The following SH3BP1 variants were observed in gnomAD, a reference collection of about 807,000 sequenced individuals.
The protein encoded by SH3BP1 is SH3 domain binding protein 1, also known as SH3 domain-binding protein 1.
Under a neutral mutation model 69.8 loss-of-function variants are expected in SH3BP1, and 46 were observed. The ratio of observed to expected loss-of-function variants is 0.66; its 90% CI spans 0.52 to 0.84. The LOEUF (loss-of-function observed/expected upper bound fraction) is 0.84. Among genes scored for constraint, SH3BP1 ranks in the 40% least tolerant of loss-of-function variants. SH3BP1 has a pLI of 0.00. For missense variants in SH3BP1, 868 were observed against 930.9 expected, an observed-to-expected ratio of 0.93 and a Z score of 0.88; for synonymous variants, 403 against 378.0, an observed-to-expected ratio of 1.07 and a Z score of -0.77.
chr22:37,642,170 C>T, intron 3 of SH3BP1: 1 of 259,368 alleles, frequency 3.9e-6, no homozygotes, highest in Non-Finnish European at 7.7e-6. Context: ...GTGGCTAGGT[C>T]AGCCATATAT....
rs1268913776 is a variant in SH3BP1 at position 37,655,663 on chromosome 22, C to T, written c.2085C>T (p.Ser695=). The change falls in exon 18 of 18, where the codon AGC becomes AGT. Residue 695 remains serine (S), a synonymous_variant. Transcript: ENST00000649765. ...PAIPPQPRPR[S]LASETN is the part of the protein sequence containing the mutation. The stretch of plus-strand genomic sequence containing the variant: ...TCCCCCCTCAGCCCCGCCCCAGGAG[C>T]CTTGCCTCAGAGACCAACTGAGTGG... 6.7e-7 allele frequency: 1 copy of T among 1,502,400 alleles called. No homozygotes were observed. The highest frequency in any genetic ancestry group is 8.9e-7 in the Non-Finnish European group (1 of 1,126,548). The allele number at this position is 1,502,400 out of a possible 1,614,324, so 93.1% of individuals were successfully genotyped here.
At chr22:37,644,406 C>T (rs1932737825) in intron 7 of SH3BP1, among the ~76,000 whole-genome samples, 1 of 152,184 alleles carries the variant, frequency 6.6e-6, no homozygotes, top group African/African-American at 2.4e-5. Flanking sequence ...AAACAAGGCA[C>T]TGTGCTAAGT....
intron 17 of SH3BP1, 122 bp downstream of exon 17, chr22:37,653,995 G>T: frequency 1.4e-6 from 1 of 719,506 alleles, no homozygotes; most frequent in South Asian, 1.8e-5. Context: ...GTGATAAAGA[G>T]CCCAGGTCTT....
In SH3BP1 at chr22:37,644,720, G is replaced by C. The variant is rs537347995; in HGVS notation, c.687+15G>C. 1 of 1,614,114 alleles carries C rather than the reference G, an allele frequency of 6.2e-7. No homozygotes were observed. Among genetic ancestry groups the C allele is most frequent in the South Asian group, 1.1e-5 (1 of 91,084 alleles). ...ACTTCATTCGTGTGAGTCCAAGACC[G>C]GGCCCCAGCCATCCAGAGTTCAGGG... is the stretch of plus-strand genomic sequence containing the variant. On this transcript the variant is annotated intron_variant, in intron 8 of 17. Transcript: ENST00000649765.
At chr22:37,643,232 T>C in intron 6 of SH3BP1, 58 bp downstream of exon 6, 2 of 1,475,602 alleles carry the variant, frequency 1.4e-6, no homozygotes, top group Non-Finnish European at 1.9e-6. Context: ...GAGATGGTCA[T>C]AGAGCTTTGA....
intron 17 of SH3BP1, 76 bp from the exon 18 acceptor site, chr22:37,655,196 G>C (rs1932984544): frequency 4.7e-6 from 5 of 1,072,116 alleles, no homozygotes; most frequent in Non-Finnish European, 6.6e-6. Flanking sequence ...AAGGTTGTGA[G>C]GGGGCACGGA....
chr22:37,642,728 C>G (rs1179536238), intron 4 of SH3BP1, 113 bp downstream of exon 4: 1 of 1,605,272 alleles, frequency 6.2e-7, no homozygotes, highest in Non-Finnish European at 8.5e-7. Context: ...AGGCTGGGGA[C>G]AGTTCCCAGG....
At chr22:37,647,952 A>G (rs944250181) in intron 13 of SH3BP1, among the ~76,000 whole-genome samples, 2 of 152,384 alleles carry the variant, frequency 1.3e-5, no homozygotes, top group Non-Finnish European at 2.9e-5. Flanking sequence ...CTGGGATTAC[A>G]GGCGTGAGGC....
chr22:37,656,117 A>G lies in SH3BP1; in HGVS notation c.*433A>G. 8.8e-7 allele frequency: 1 copy of G among 1,138,788 alleles called. No individual in the cohort carries two copies. Among genetic ancestry groups the G allele is most frequent in the South Asian group, 1.3e-5 (1 of 75,870 alleles). The allele number at this position is 1,138,788 out of a possible 1,614,324, so 70.5% of individuals were successfully genotyped here. On this transcript the variant is annotated 3_prime_UTR_variant, in exon 18 of 18. Transcript: ENST00000649765. ...CCAATTTTATAAAGGGGAAAACAAT[A>G]CATATTCTTTGCCTCCTTTCTTCCT...
intron 14 of SH3BP1, 40 bp from the exon 15 acceptor site, chr22:37,650,112 C>G: frequency 1.2e-6 from 2 of 1,610,312 alleles, no homozygotes; most frequent in Non-Finnish European, 8.5e-7. Context: ...GAGTTGGGGT[C>G]ACAAACCCTT....
Position 37,655,756 on chromosome 22 carries a change from G to GC in SH3BP1, c.*78dup, listed in dbSNP as rs954997345. 609 of 1,443,028 alleles carry GC rather than the reference G, an allele frequency of 4.2e-4. 2 individuals carry two copies. The highest frequency in any genetic ancestry group is 3.6e-3 in the Middle Eastern group (15 of 4,174). 89.4% of individuals were successfully genotyped at this position (1,443,028 alleles called of 1,614,324 possible). On this transcript the variant is annotated 3_prime_UTR_variant, in exon 18 of 18. Transcript: ENST00000649765. ...ACCTGGCCCTCCCAGGACAGCTCTC[G>GC]CCCCCCACAAAGGGGCATGGGCCTC...
At chr22:37,647,030 T>C in intron 11 of SH3BP1, 101 bp downstream of exon 11, 1 of 835,798 alleles carries the variant, frequency 1.2e-6, no homozygotes, top group African/African-American at 1.7e-5. Flanking sequence ...TGATATTCTG[T>C]TGAGACTGAG....
Position 37,655,443 on chromosome 22 carries a change from C to CGG in SH3BP1, c.1866_1867insGG (p.Leu623GlyfsTer36). On this transcript the variant is annotated frameshift_variant, in exon 18 of 18. Transcript: ENST00000649765. LOFTEE classifies it low-confidence loss of function (END_TRUNC). Reference sequence around the variant, plus strand: ...CTCCGAGCCCCCACAGTGCCACCCCCGTTACCCCCCACACCCCCTCAGCCT... The same window carrying CGG: ...CTCCGAGCCCCCACAGTGCCACCCCCGGGTTACCCCCCACACCCCCTCAGCCT... 1 of 1,312,330 alleles carries CGG rather than the reference C, an allele frequency of 7.6e-7. No homozygotes were observed. Among genetic ancestry groups the CGG allele is most frequent in the Non-Finnish European group, 1.0e-6 (1 of 961,976 alleles). The allele number at this position is 1,312,330 out of a possible 1,614,324, so 81.3% of individuals were successfully genotyped here.
Position 37,643,114 on chromosome 22 carries a change from T to C in SH3BP1, c.413T>C (p.Ile138Thr). 6.2e-7 allele frequency: 1 copy of C among 1,610,602 alleles called. No homozygotes were observed. Among genetic ancestry groups the C allele is most frequent in the Non-Finnish European group, 8.5e-7 (1 of 1,178,814 alleles). Residue 138 changes from isoleucine (I) to threonine (T), a missense_variant, in exon 6 of 18, where the codon ATC (isoleucine) becomes ACC (threonine). Physicochemically the swap from Ile to Thr is moderately conservative, Grantham distance 89 (BLOSUM62 -1). Transcript: ENST00000649765. ...SRLSEEELPA[I>T]LKHKKSLQKL... ...CATCCCCAGGAGGAGCTGCCAGCCA[T>C]CCTCAAACACAAGAAAAGCCTCCAG...
At chr22:37,645,227 T>C (rs986274038) in intron 9 of SH3BP1, 138 bp from the exon 10 acceptor site, 2 of 1,184,734 alleles carry the variant, frequency 1.7e-6, no homozygotes, top group Non-Finnish European at 2.4e-6. Flanking sequence ...ATTCGAGAGA[T>C]GTGACGGATG....
intron 14 of SH3BP1, chr22:37,648,664 G>T: frequency 2.2e-6 from 1 of 462,260 alleles, no homozygotes; most frequent in East Asian, 3.5e-5. Context: ...GAGGTGTTTA[G>T]TGGCATGGGG....
At chr22:37,650,001 G>A in intron 14 of SH3BP1, 151 bp from the exon 15 acceptor site, 1 of 830,096 alleles carries the variant, frequency 1.2e-6, no homozygotes, top group Non-Finnish European at 2.1e-6. Context: ...GCATGTGAGT[G>A]ACACATTTAC....
In SH3BP1 at chr22:37,655,445, TTA is replaced by T; in HGVS notation, c.1868_1869del (p.Leu623SerfsTer36). The T allele has an allele frequency of 2.1e-6, 1 of 466,902 alleles. No individual in the cohort carries two copies. The highest frequency in any genetic ancestry group is 3.1e-6 in the Non-Finnish European group (1 of 321,810). 28.9% of individuals were successfully genotyped at this position (466,902 alleles called of 1,614,324 possible). On this transcript the variant is annotated frameshift_variant, in exon 18 of 18. Coordinates refer to ENST00000649765, the MANE Select transcript of SH3BP1 (RefSeq NM_018957.6). LOFTEE classifies it low-confidence loss of function (END_TRUNC). ...SLRAPTVPPP[L>X]PPTPPQPARR... Reference sequence around the variant, plus strand: ...CCGAGCCCCCACAGTGCCACCCCCGTTACCCCCCACACCCCCTCAGCCTGCCC... The same window carrying T: ...CCGAGCCCCCACAGTGCCACCCCCGTCCCCCCACACCCCCTCAGCCTGCCC...
chr22:37,639,926 TG>T, intron 1 of SH3BP1, 80 bp downstream of exon 1: 2 of 496,948 alleles, frequency 4.0e-6, no homozygotes, highest in Non-Finnish European at 7.2e-6. Context: ...GAGACGGGGG[TG>T]GGGGAGGCTG....
Sources: allele counts gnomAD v4.1 joint callset (sites outside exome capture counted in the v4.1 genomes callset), GRCh38; gene constraint gnomAD v4.1.1; transcripts MANE v1.5; gene names NCBI Gene and HGNC (gene_info 2026-07-23, HGNC 2026-07-21).